The following FANCL variants were observed in gnomAD, a reference collection of about 807,000 sequenced individuals.
FANCL encodes E3 ubiquitin-protein ligase FANCL.
A neutral mutation model predicts 59.4 loss-of-function variants in FANCL; 69 were observed. The observed-to-expected ratio is 1.16, with a 90% CI of 0.96 to 1.42. FANCL has a LOEUF of 1.42. Among genes scored for constraint, FANCL ranks in the 40% most tolerant of loss-of-function variants. FANCL has a pLI of 0.00. For synonymous variants in FANCL, 180 were observed against 147.1 expected (o/e 1.22, Z -1.62); for missense variants, 519 against 447.2 (o/e 1.16, Z -1.45).
At chr2:58,217,218 ACACACACACAC>A in intron 5 of FANCL, among the ~76,000 whole-genome samples, 1 of 6,254 alleles carries the variant, frequency 1.6e-4, no homozygotes, top group Non-Finnish European at 3.3e-4. Context: ...ATATATATAC[ACACACACACAC>A]ACACACACAC....
intron 6 of FANCL, among the ~76,000 whole-genome samples, chr2:58,202,315 T>C (rs1196552708): frequency 6.7e-6 from 1 of 148,406 alleles, no homozygotes; most frequent in Non-Finnish European, 1.5e-5. Context: ...ACTAGGTAAA[T>C]GATTAATATG....
Position 58,190,337 on chromosome 2 carries a change from C to T in FANCL, c.540+8257G>A, listed in dbSNP as rs1688804965. ...TGAAACATAGTCACCTCATGTGTAG[C>T]CATCACAGAGTAACTATAGCAATTC... On this transcript the variant is annotated intron_variant, in intron 7 of 13. Transcript: ENST00000233741. Among the ~76,000 whole-genome samples the T allele has an allele frequency of 2.0e-5, 3 of 151,806 alleles. No individual in the cohort carries two copies. In the South Asian group the frequency reaches 6.2e-4, roughly 31 times the overall value.
At chr2:58,186,598 T>G (rs539582467) in intron 7 of FANCL, among the ~76,000 whole-genome samples, 2 of 152,340 alleles carry the variant, frequency 1.3e-5, no homozygotes, top group Admixed American at 1.3e-4. Flanking sequence ...AGAACCAGAA[T>G]GCAAGAGCAT....
Position 58,204,320 on chromosome 2 carries a change from T to C in FANCL, c.375-94A>G, listed in dbSNP as rs374414809. 2.4e-5 allele frequency: 22 copies of C among 928,972 alleles called. No homozygotes were observed. In the East Asian group the frequency reaches 3.8e-4, roughly 16 times the overall value. 57.5% of individuals were successfully genotyped at this position (928,972 alleles called of 1,614,324 possible). On this transcript the variant is annotated intron_variant, in intron 5 of 13. Coordinates refer to ENST00000233741, the MANE Select transcript of FANCL (RefSeq NM_018062.4). Reference sequence around the variant, plus strand: ...GAATTTGAAATGAAAATATTTGCTATATTCCTATTAATCCATTATAAAAAT... The same window carrying C: ...GAATTTGAAATGAAAATATTTGCTACATTCCTATTAATCCATTATAAAAAT...
chr2:58,211,082 G>A (rs1390034300), intron 5 of FANCL, among the ~76,000 whole-genome samples: 1 of 152,164 alleles, frequency 6.6e-6, no homozygotes, highest in Non-Finnish European at 1.5e-5. Context: ...ACTCTGTGTG[G>A]GGACTCCAAT....
At chr2:58,173,113 G>A (rs1430519879) in intron 7 of FANCL, among the ~76,000 whole-genome samples, 2 of 152,134 alleles carry the variant, frequency 1.3e-5, no homozygotes, top group Non-Finnish European at 2.9e-5. Flanking sequence ...AACGAACAAA[G>A]CCTCCAAGAA....
chr2:58,185,802 A>G (rs181873650), intron 7 of FANCL, among the ~76,000 whole-genome samples: 1 of 152,282 alleles, frequency 6.6e-6, no homozygotes, highest in African/African-American at 2.4e-5. Context: ...GATAAACAAA[A>G]ATTCTGTTAG....
chr2:58,160,028 A>ATG, intron 13 of FANCL, 80 bp downstream of exon 13: 1 of 1,598,526 alleles, frequency 6.3e-7, no homozygotes, highest in South Asian at 1.1e-5. Flanking sequence ...ATAAACTGAT[A>ATG]TACTATATAG....
intron 8 of FANCL, 132 bp downstream of exon 8, chr2:58,165,592 A>G: frequency 9.1e-7 from 1 of 1,095,084 alleles, no homozygotes; most frequent in South Asian, 1.4e-5. Flanking sequence ...AGCCAAAAAA[A>G]AGTTTATACT....
chr2:58,227,436 T>C (rs1693129743), intron 3 of FANCL, among the ~76,000 whole-genome samples: 1 of 152,098 alleles, frequency 6.6e-6, no homozygotes, highest in African/African-American at 2.4e-5. Flanking sequence ...TAGCTCTCAG[T>C]AGATGTGGGA....
At chr2:58,210,406 TG>T (rs961599080) in intron 5 of FANCL, among the ~76,000 whole-genome samples, 1 of 152,006 alleles carries the variant, frequency 6.6e-6, no homozygotes, top group Non-Finnish European at 1.5e-5. Context: ...GAGAACAATA[TG>T]GGGGAAACCG....
At chr2:58,177,160 G>A (rs1687417192) in intron 7 of FANCL, among the ~76,000 whole-genome samples, 2 of 152,102 alleles carry the variant, frequency 1.3e-5, no homozygotes, top group South Asian at 4.1e-4. Flanking sequence ...TGGAGAAATA[G>A]GAACACTTTT....
intron 5 of FANCL, among the ~76,000 whole-genome samples, chr2:58,208,528 T>C (rs1328686834): frequency 6.6e-6 from 1 of 152,182 alleles, no homozygotes; most frequent in Admixed American, 6.5e-5. Flanking sequence ...ACATAGCTCA[T>C]AAAATACTGC....
chr2:58,176,309 C>A (rs1046045606), intron 7 of FANCL, among the ~76,000 whole-genome samples: 3 of 152,058 alleles, frequency 2.0e-5, no homozygotes, highest in Admixed American at 6.6e-5. Context: ...CAAAAAAGAG[C>A]CCGCATCGCC....
intron 7 of FANCL, among the ~76,000 whole-genome samples, chr2:58,189,274 TAAAGCTATTTA>T (rs1688697600): frequency 6.6e-6 from 1 of 152,234 alleles, no homozygotes; most frequent in South Asian, 2.1e-4. Context: ...TATATCTCAA[TAAAGCTATTTA>T]AAAAACCAGT....
In FANCL at chr2:58,223,386, T is replaced by A. The variant is rs915501683; in HGVS notation, c.274-1344A>T. ...AATAAAATGCATTAATATAGTATAG[T>A]ACTTCTTTCAAGATTTGTTTTTATT... On this transcript the variant is annotated intron_variant, in intron 4 of 13. Coordinates refer to ENST00000233741, the MANE Select transcript of FANCL (RefSeq NM_018062.4). Among the ~76,000 whole-genome samples, 5 of 152,096 alleles carry A rather than the reference T, an allele frequency of 3.3e-5. No homozygotes were observed. The South Asian group carries it at 1.0e-3, about 32-fold the overall frequency.
chr2:58,168,693 C>G (rs1043120696), intron 7 of FANCL, among the ~76,000 whole-genome samples: 1 of 152,166 alleles, frequency 6.6e-6, no homozygotes, highest in Non-Finnish European at 1.5e-5. Context: ...AGCTAAGATC[C>G]ACTGGCTTGA....
At chr2:58,221,213 A>C (rs1049123139) in intron 5 of FANCL, among the ~76,000 whole-genome samples, 1 of 152,148 alleles carries the variant, frequency 6.6e-6, no homozygotes, top group Admixed American at 6.5e-5. Context: ...ATAAGAACTA[A>C]AAATTGGCAT....
At chr2:58,211,286 T>G (rs911393289) in intron 5 of FANCL, among the ~76,000 whole-genome samples, 1 of 152,194 alleles carries the variant, frequency 6.6e-6, no homozygotes. Context: ...GGCTTGGGGT[T>G]TGCACCCTCT....
Sources: allele counts gnomAD v4.1 joint callset (sites outside exome capture counted in the v4.1 genomes callset), GRCh38; gene constraint gnomAD v4.1.1; transcripts MANE v1.5; gene names NCBI Gene and HGNC (gene_info 2026-07-23, HGNC 2026-07-21).